Variants in DCC observed in about 807,000 individuals in gnomAD.
DCC encodes netrin receptor DCC.
In DCC, 58 loss-of-function variants were observed where a neutral mutation model predicts 172.5. That is an observed-to-expected ratio of 0.34 (90% CI 0.27 to 0.42). The LOEUF (loss-of-function observed/expected upper bound fraction) is 0.42, where lower values mean the gene tolerates loss of function less well. Among genes scored for constraint, DCC ranks in the 10% least tolerant of loss-of-function variants. The pLI, the probability that DCC is intolerant of heterozygous loss-of-function variation, is 1.00. For missense variants in DCC, 1,740 were observed against 1,791.0 expected (o/e 0.97, Z 0.51); for synonymous variants, 709 against 644.5 (o/e 1.10, Z -1.52).
At chr18:53,126,251 G>A (rs147724655) in intron 7 of DCC, among the ~76,000 whole-genome samples, 1 of 152,066 alleles carries the variant, frequency 6.6e-6, no homozygotes, top group Non-Finnish European at 1.5e-5. Context: ...CTTGTTGTAA[G>A]CATTTCTTTG....
chr18:52,462,094 C>G (rs999404611), intron 1 of DCC, among the ~76,000 whole-genome samples: 8 of 152,064 alleles, frequency 5.3e-5, no homozygotes, highest in African/African-American at 1.9e-4. Flanking sequence ...CAATTTATAC[C>G]CAGAATTCAA....
At chr18:52,342,555 G>A (rs1165109344) in intron 1 of DCC, among the ~76,000 whole-genome samples, 1 of 152,166 alleles carries the variant, frequency 6.6e-6, no homozygotes, top group African/African-American at 2.4e-5. Context: ...CGGGGAGGAG[G>A]ACCCTCCTTC....
At chr18:53,397,016 A>G (rs1042237025) in intron 17 of DCC, among the ~76,000 whole-genome samples, 4 of 151,874 alleles carry the variant, frequency 2.6e-5, no homozygotes, top group African/African-American at 7.3e-5. Flanking sequence ...TATGGAAAAT[A>G]TGCTTTAACC....
At chr18:53,079,189 A>G (rs1482335126) in intron 7 of DCC, among the ~76,000 whole-genome samples, 1 of 152,148 alleles carries the variant, frequency 6.6e-6, no homozygotes, top group Non-Finnish European at 1.5e-5. Flanking sequence ...GATTTCATAA[A>G]TGGAAAAAAG....
intron 2 of DCC, among the ~76,000 whole-genome samples, chr18:52,844,073 A>G (rs902809356): frequency 6.6e-6 from 1 of 152,184 alleles, no homozygotes; most frequent in Non-Finnish European, 1.5e-5. Flanking sequence ...CTCTTTGCCC[A>G]ATTTTCTTGT....
intron 5 of DCC, among the ~76,000 whole-genome samples, chr18:53,037,469 T>C (rs2042110940): frequency 6.6e-6 from 1 of 151,944 alleles, no homozygotes; most frequent in African/African-American, 2.4e-5. Context: ...TTGTTCATGG[T>C]CATTTGTACA....
At chr18:53,526,505 T>A in intron 27 of DCC, 112 bp from the exon 28 acceptor site, 2 of 1,128,938 alleles carry the variant, frequency 1.8e-6, no homozygotes, top group Non-Finnish European at 2.7e-6. Flanking sequence ...CACTACAGAA[T>A]GAGCAATAAC....
At chr18:52,462,157 A>G (rs991211439) in intron 1 of DCC, among the ~76,000 whole-genome samples, 1 of 152,194 alleles carries the variant, frequency 6.6e-6, no homozygotes, top group Non-Finnish European at 1.5e-5. Context: ...CATAAGCACA[A>G]TAAGAAGTGA....
At chr18:52,982,013 G>T (rs1002444061) in intron 5 of DCC, among the ~76,000 whole-genome samples, 9 of 152,052 alleles carry the variant, frequency 5.9e-5, no homozygotes, top group African/African-American at 2.2e-4. Context: ...TTGGAGGACA[G>T]AGGTTAGAAC....
intron 1 of DCC, among the ~76,000 whole-genome samples, chr18:52,362,522 G>A (rs1371522850): frequency 6.6e-6 from 1 of 152,146 alleles, no homozygotes; most frequent in East Asian, 1.9e-4. Context: ...GGAAGATAAG[G>A]GAGGGTTATA....
At chr18:52,961,054 T>C (rs1387677152) in intron 5 of DCC, among the ~76,000 whole-genome samples, 2 of 152,092 alleles carry the variant, frequency 1.3e-5, no homozygotes, top group African/African-American at 4.8e-5. Context: ...AAAAACTCTA[T>C]GATACAGCAT....
At chr18:53,342,703 G>T (rs1030332208) in intron 15 of DCC, among the ~76,000 whole-genome samples, 1 of 144,534 alleles carries the variant, frequency 6.9e-6, no homozygotes, top group South Asian at 2.2e-4. Context: ...TGTATATGTA[G>T]GAATATACAT....
At chr18:52,399,858 A>G (rs1203195539) in intron 1 of DCC, among the ~76,000 whole-genome samples, 6 of 152,024 alleles carry the variant, frequency 3.9e-5, no homozygotes, top group Admixed American at 2.0e-4. Flanking sequence ...CTGAGACAGT[A>G]TATCTTGCTG....
intron 5 of DCC, among the ~76,000 whole-genome samples, chr18:53,009,958 G>A (rs1712187193): frequency 1.3e-5 from 2 of 151,894 alleles, no homozygotes; most frequent in Admixed American, 6.6e-5. Context: ...GAAGCAGCAG[G>A]AGTAACTCTG....
At chr18:53,172,065 CA>C (rs2055022031) in intron 8 of DCC, among the ~76,000 whole-genome samples, 1 of 152,026 alleles carries the variant, frequency 6.6e-6, no homozygotes, top group Non-Finnish European at 1.5e-5. Context: ...ATAATTCTAA[CA>C]AAAACATCCA....
rs149244629 is a variant in DCC at position 52,716,990 on chromosome 18, G to A, written c.92-35064G>A. ...TCCAAAATATTATACTACTCCCCTC[G>A]CCCCTCCTGCCTGCCAAGTATGTTC... On this transcript the variant is annotated intron_variant, in intron 1 of 28. Coordinates refer to ENST00000442544, the MANE Select transcript of DCC (RefSeq NM_005215.4). 1.7e-3 allele frequency among the ~76,000 whole-genome samples: 263 copies of A among 152,150 alleles called. 1 individual carries two copies. Among genetic ancestry groups the A allele is most frequent in the Middle Eastern group, 6.8e-3 (2 of 294 alleles).
At chr18:53,026,902 A>G (rs1409809956) in intron 5 of DCC, among the ~76,000 whole-genome samples, 1 of 152,076 alleles carries the variant, frequency 6.6e-6, no homozygotes, top group East Asian at 1.9e-4. Context: ...GAAGAAGTCT[A>G]TGAAGATCTA....
chr18:52,598,929 G>A (rs554390486), intron 1 of DCC, among the ~76,000 whole-genome samples: 288 of 152,290 alleles, frequency 1.9e-3, no homozygotes, highest in African/African-American at 6.6e-3. Flanking sequence ...AAGGGCAAGA[G>A]AAACAAACTT....
At chr18:53,364,355 TG>T (rs1477490215) in intron 15 of DCC, among the ~76,000 whole-genome samples, 6 of 152,094 alleles carry the variant, frequency 3.9e-5, no homozygotes, top group Admixed American at 3.3e-4. Flanking sequence ...AGCAGGAAAT[TG>T]CCCCTGTTTT....
Sources: allele counts gnomAD v4.1 joint callset (sites outside exome capture counted in the v4.1 genomes callset), GRCh38; gene constraint gnomAD v4.1.1; transcripts MANE v1.5; gene names NCBI Gene and HGNC (gene_info 2026-07-23, HGNC 2026-07-21).